The following ANKRD34C variants were observed in gnomAD, a reference collection of about 807,000 sequenced individuals.
ANKRD34C encodes ankyrin repeat domain 34C, also known as ankyrin repeat domain-containing protein 34C.
For synonymous variants in ANKRD34C, 260 were observed against 253.6 expected (o/e 1.03, Z -0.24); for missense variants, 563 against 653.0 (o/e 0.86, Z 1.50).
chr15:79,289,565 C>T (rs2058654232), intron 1 of ANKRD34C, among the ~76,000 whole-genome samples: 1 of 152,202 alleles, frequency 6.6e-6, no homozygotes, highest in African/African-American at 2.4e-5. Flanking sequence ...TGCCTCCTTT[C>T]CTGCCTCTCT....
rs1258759307 is a variant in ANKRD34C, at chr15:79,283,125, G to A, written c.-148G>A. Among the ~76,000 whole-genome samples, 1 of 152,240 alleles carries A rather than the reference G, an allele frequency of 6.6e-6. No homozygotes were observed. Among genetic ancestry groups the A allele is most frequent in the African/African-American group, 2.4e-5 (1 of 41,458 alleles). Reference sequence around the variant, plus strand: ...GCCCTCTGGCAGCCAACCCGCAGCTGCAGGTAGGGGTGCTGGACGCCCCCT... The same window carrying A: ...GCCCTCTGGCAGCCAACCCGCAGCTACAGGTAGGGGTGCTGGACGCCCCCT... On this transcript the variant is annotated 5_prime_UTR_variant, in exon 1 of 2. Transcript: ENST00000421388.
In ANKRD34C at chr15:79,293,563, T is replaced by A; in HGVS notation, c.279T>A (p.Cys93Ter). ...GCAAGACTGCCCTCATCCATGCCTG[T>A]ATCAGAAGAGCTGGGGGAGAAGTGG... ...KSGKTALIHA[C>*]IRRAGGEVVS... Residue 93 changes from cysteine (C) to a stop codon, truncating the protein, a stop_gained, in exon 2 of 2, where the codon TGT (cysteine) becomes TGA (stop). Coordinates refer to ENST00000421388, the MANE Select transcript of ANKRD34C (RefSeq NM_001146341.2). LOFTEE classifies it low-confidence loss of function (END_TRUNC). 2 of 1,551,722 alleles carry A rather than the reference T, an allele frequency of 1.3e-6. No individual in the cohort carries two copies. Among genetic ancestry groups the A allele is most frequent in the Non-Finnish European group, 1.7e-6 (2 of 1,146,990 alleles).
chr15:79,292,884 G>A (rs1335655913), intron 1 of ANKRD34C, among the ~76,000 whole-genome samples: 1 of 152,202 alleles, frequency 6.6e-6, no homozygotes, highest in Non-Finnish European at 1.5e-5. Context: ...AAGGAATGTA[G>A]AGTTCTACAT....
intron 1 of ANKRD34C, among the ~76,000 whole-genome samples, chr15:79,290,897 C>T (rs1051608415): frequency 8.5e-5 from 13 of 152,166 alleles, no homozygotes; most frequent in Admixed American, 1.3e-4. Context: ...CCTGTCTGCA[C>T]GCCTCTTGGT....
chr15:79,293,975 T>TCAC lies in ANKRD34C; in HGVS notation c.693_695dup (p.Pro232dup). ...CTCCAAGGCTGTTAATGAGCCTGGG[T>TCAC]CACCCACCAGGAAAGTCAGTAATCT... On this transcript the variant is annotated inframe_insertion, in exon 2 of 2. Coordinates refer to ENST00000421388, the MANE Select transcript of ANKRD34C (RefSeq NM_001146341.2). 6.4e-7 allele frequency: 1 copy of TCAC among 1,551,598 alleles called. No individual in the cohort carries two copies. Among genetic ancestry groups the TCAC allele is most frequent in the Non-Finnish European group, 8.7e-7 (1 of 1,146,986 alleles).
intron 1 of ANKRD34C, among the ~76,000 whole-genome samples, chr15:79,288,175 G>T (rs1263121849): frequency 6.6e-6 from 1 of 152,170 alleles, no homozygotes; most frequent in African/African-American, 2.4e-5. Context: ...CATGGTTCAT[G>T]GGAGGCAGTT....
At chr15:79,285,232 G>A (rs12910702) in intron 1 of ANKRD34C, among the ~76,000 whole-genome samples, 2,029 of 152,282 alleles carry the variant, frequency 0.013, 16 homozygotes, top group Admixed American at 0.019. Context: ...GTATAACCAA[G>A]CACTTTCTTG....
chr15:79,294,165 G>A lies in ANKRD34C; in HGVS notation c.881G>A (p.Gly294Glu), dbSNP rs2058666673. The A allele has an allele frequency of 5.8e-6, 9 of 1,551,332 alleles. No homozygotes were observed. The highest frequency in any genetic ancestry group is 7.8e-6 in the Non-Finnish European group (9 of 1,146,978). The change falls in exon 2 of 2, where the codon GGG (glycine) becomes GAG (glutamate). Residue 294 changes from glycine (G) to glutamate (E), a missense_variant. Coordinates refer to ENST00000421388, the MANE Select transcript of ANKRD34C (RefSeq NM_001146341.2). ...AGTGATATATCCTTCCCTAAAAGGG[G>A]GCCCCTCTCCAGAACCAACAGTATC... ...SISDISFPKR[G>E]PLSRTNSIDS...
At chr15:79,284,895 G>C in intron 1 of ANKRD34C, among the ~76,000 whole-genome samples, 1 of 152,198 alleles carries the variant, frequency 6.6e-6, no homozygotes, top group East Asian at 1.9e-4. Flanking sequence ...ATCCTCAGGA[G>C]CTTGAATTAT....
intron 1 of ANKRD34C, among the ~76,000 whole-genome samples, chr15:79,290,397 A>G (rs546943891): frequency 5.9e-5 from 9 of 152,224 alleles, no homozygotes; most frequent in African/African-American, 1.9e-4. Flanking sequence ...TTTGGTACAC[A>G]TATTAGTTTA....
At chr15:79,292,645 A>G (rs963084057) in intron 1 of ANKRD34C, among the ~76,000 whole-genome samples, 1 of 152,218 alleles carries the variant, frequency 6.6e-6, no homozygotes, top group Middle Eastern at 3.2e-3. Context: ...TACAATAATC[A>G]TACATATTTA....
rs771391661 is a variant in ANKRD34C, at chr15:79,293,901, A to C, written c.617A>C (p.Glu206Ala). The C allele has an allele frequency of 2.6e-5, 41 of 1,551,678 alleles. No individual in the cohort carries two copies. The highest frequency in any genetic ancestry group is 3.5e-5 in the Non-Finnish European group (40 of 1,146,974). The change falls in exon 2 of 2, where the codon GAA becomes GCA. Residue 206 changes from glutamate (E) to alanine (A), a missense_variant. Physicochemically the swap from Glu to Ala is moderately radical, Grantham distance 107 (BLOSUM62 -1). Coordinates refer to ENST00000421388, the MANE Select transcript of ANKRD34C (RefSeq NM_001146341.2). ...LGLDSPLTEK[E>A]DDFFSLQAGH... ...CTGGACTCTCCACTCACTGAGAAGG[A>C]AGATGACTTCTTCAGCCTCCAAGCA...
intron 1 of ANKRD34C, among the ~76,000 whole-genome samples, chr15:79,284,124 G>A (rs961987303): frequency 7.9e-5 from 12 of 152,188 alleles, no homozygotes; most frequent in Non-Finnish European, 1.8e-4. Context: ...TGCTAAGCCA[G>A]TGCACCACAA....
rs959824577 is a variant in ANKRD34C at position 79,294,619 on chromosome 15, A to G, written c.1335A>G (p.Arg445=). ...RRRPPHLLER[R]GSGTLLLDRI... ...GGCCGCCACATCTTCTAGAACGACG[A>G]GGTTCTGGAACTCTGCTCCTTGATC... Residue 445 remains arginine, a synonymous_variant, in exon 2 of 2, where the codon CGA becomes CGG. Transcript: ENST00000421388. 2.3e-5 allele frequency: 35 copies of G among 1,551,710 alleles called. No homozygotes were observed. Among genetic ancestry groups the G allele is most frequent in the Non-Finnish European group, 2.6e-5 (30 of 1,147,004 alleles).
At position 79,294,537 on chromosome 15, in the gene ANKRD34C, G is replaced by T. The variant is rs1158317415; in HGVS notation, c.1253G>T (p.Gly418Val). Residue 418 changes from glycine to valine, a missense_variant, in exon 2 of 2, where the codon GGC becomes GTC. Gly to Val is a moderately radical substitution (Grantham distance 109, BLOSUM62 -3). Transcript: ENST00000421388. ...LNSSHLSLFH[G>V]SRESLDTVPS... ...AGCTCTCACTTGTCTCTTTTCCATG[G>T]CTCTCGGGAGTCCCTGGACACTGTA... 2 of 1,551,662 alleles carry T rather than the reference G, an allele frequency of 1.3e-6. No individual in the cohort carries two copies. The highest frequency in any genetic ancestry group is 3.9e-5 in the Admixed American group (2 of 50,998).
chr15:79,283,144 G>A lies in ANKRD34C; in HGVS notation c.-129G>A, dbSNP rs62025009. Among the ~76,000 whole-genome samples, 13,622 of 152,274 alleles carry A rather than the reference G, an allele frequency of 0.089. 677 individuals carry two copies. The highest frequency in any genetic ancestry group is 0.13 in the Middle Eastern group (39 of 294). ...GCAGCTGCAGGTAGGGGTGCTGGAC[G>A]CCCCCTGATTTTGTTTTGGGAATAA... On this transcript the variant is annotated 5_prime_UTR_variant, in exon 1 of 2. Coordinates refer to ENST00000421388, the MANE Select transcript of ANKRD34C (RefSeq NM_001146341.2).
At chr15:79,290,104 A>T (rs2141201638) in intron 1 of ANKRD34C, among the ~76,000 whole-genome samples, 1 of 151,352 alleles carries the variant, frequency 6.6e-6, no homozygotes, top group East Asian at 1.9e-4. Flanking sequence ...AGCTCACTGC[A>T]GCCTTGAACT....
At chr15:79,291,400 CTCAT>C (rs1596039892) in intron 1 of ANKRD34C, among the ~76,000 whole-genome samples, 1 of 152,164 alleles carries the variant, frequency 6.6e-6, no homozygotes, top group East Asian at 1.9e-4. Flanking sequence ...AGACATTCCA[CTCAT>C]TCATCTAGTC....
intron 1 of ANKRD34C, among the ~76,000 whole-genome samples, chr15:79,286,664 G>T (rs892884179): frequency 6.6e-6 from 1 of 152,102 alleles, no homozygotes; most frequent in African/African-American, 2.4e-5. Context: ...TCTCCCTGCT[G>T]TGCTGTTTCT....
Sources: gnomAD v4.1 joint callset for allele counts (sites outside exome capture counted in the v4.1 genomes callset) on GRCh38, gnomAD v4.1.1 for gene constraint, MANE v1.5 for transcripts, NCBI Gene and HGNC (gene_info 2026-07-23, HGNC 2026-07-21) for gene names.